The following POU6F2 variants were observed in gnomAD, a reference collection of about 807,000 sequenced individuals.
The protein encoded by POU6F2 is POU domain, class 6, transcription factor 2.
Under a neutral mutation model 71.3 loss-of-function variants are expected in POU6F2, and 31 were observed. The ratio of observed to expected loss-of-function variants is 0.43; its 90% confidence interval spans 0.33 to 0.59. The LOEUF (loss-of-function observed/expected upper bound fraction) is 0.59, where lower values mean the gene tolerates loss of function less well. Among genes scored for constraint, POU6F2 ranks in the 20% least tolerant of loss-of-function variants. The pLI, the probability that POU6F2 is intolerant of heterozygous loss-of-function variation, is 0.04. For synonymous variants in POU6F2, 347 were observed against 355.7 expected (o/e 0.98, Z 0.27); for missense variants, 783 against 856.8 (o/e 0.91, Z 1.07).
At chr7:39,299,061 G>A (rs992817127) in intron 4 of POU6F2, among the ~76,000 whole-genome samples, 6 of 151,974 alleles carry the variant, frequency 3.9e-5, no homozygotes, top group Admixed American at 2.0e-4. Context: ...ATGCATGTGG[G>A]ACTTAAAACC....
At chr7:39,342,021 A>G (rs1316119056) in intron 5 of POU6F2, among the ~76,000 whole-genome samples, 1 of 152,218 alleles carries the variant, frequency 6.6e-6, no homozygotes, top group Non-Finnish European at 1.5e-5. Context: ...ACACTGAGAG[A>G]ATATTCTAAT....
At chr7:39,262,613 A>G (rs1247313996) in intron 4 of POU6F2, among the ~76,000 whole-genome samples, 4 of 152,220 alleles carry the variant, frequency 2.6e-5, no homozygotes, top group Non-Finnish European at 5.9e-5. Flanking sequence ...TATACTGATC[A>G]ATATCACACT....
intron 6 of POU6F2, among the ~76,000 whole-genome samples, chr7:39,409,562 T>C (rs766763804): frequency 6.6e-6 from 1 of 152,188 alleles, no homozygotes; most frequent in Non-Finnish European, 1.5e-5. Flanking sequence ...TTCTTAATGT[T>C]CAAATGGAAC....
At chr7:39,392,293 T>C (rs1787088443) in intron 5 of POU6F2, among the ~76,000 whole-genome samples, 1 of 152,204 alleles carries the variant, frequency 6.6e-6, no homozygotes. Context: ...AAAACCCAGA[T>C]TGCTGCTCCA....
Position 39,464,078 on chromosome 7 carries a change from C to T in POU6F2, c.1659-104C>T. ...TGGCTACCTTGCAGCTGGCTATTAA[C>T]CTGCAGTAAATTCGCCCTGCCAGGC... On this transcript the variant is annotated intron_variant, in intron 9 of 9. Coordinates refer to ENST00000518318, the MANE Select transcript of POU6F2 (RefSeq NM_001370959.1). This position sits in a 1 kb window ranked among gnomAD's most constrained non-coding sequence, Gnocchi z 4.1. 7.0e-7 allele frequency: 1 copy of T among 1,426,020 alleles called. No individual in the cohort carries two copies. The highest frequency in any genetic ancestry group is 2.3e-5 in the East Asian group (1 of 43,688). The allele number at this position is 1,426,020 out of a possible 1,614,324, so 88.3% of individuals were successfully genotyped here.
At chr7:39,115,771 A>G (rs1156952968) in intron 2 of POU6F2, among the ~76,000 whole-genome samples, 1 of 152,126 alleles carries the variant, frequency 6.6e-6, no homozygotes, top group Non-Finnish European at 1.5e-5. Flanking sequence ...AACAGGTAGA[A>G]GAAGTAGAGC....
At chr7:39,308,488 C>T (rs1030336084) in intron 4 of POU6F2, among the ~76,000 whole-genome samples, 11 of 152,216 alleles carry the variant, frequency 7.2e-5, no homozygotes, top group Non-Finnish European at 1.5e-5. Context: ...TGGCCCTACA[C>T]ACTTCCTAAT....
rs1790667209 is a variant in POU6F2 at position 39,062,023 on chromosome 7, TAATA to T, written c.106-23836_106-23833del. On this transcript the variant is annotated intron_variant, in intron 1 of 9. Coordinates refer to ENST00000518318, the MANE Select transcript of POU6F2 (RefSeq NM_001370959.1). ...TGCAATTTAAAAATTTTTTATAAATTAATATTTTCACCATTACATCAAGGACTTT... is the reference window on the plus strand; with the variant it reads ...TGCAATTTAAAAATTTTTTATAAATTTTTTCACCATTACATCAAGGACTTT... Among the ~76,000 whole-genome samples, 4 of 152,206 alleles carry T rather than the reference TAATA, an allele frequency of 2.6e-5. No individual in the cohort carries two copies. In the South Asian group the frequency reaches 8.3e-4, roughly 32 times the overall value.
chr7:39,192,181 G>GTAA (rs1793683267), intron 2 of POU6F2, among the ~76,000 whole-genome samples: 1 of 152,214 alleles, frequency 6.6e-6, no homozygotes, highest in African/African-American at 2.4e-5. Flanking sequence ...TTCATGCAAT[G>GTAA]TAATTCCTCT....
rs549451017 is a variant in POU6F2, at chr7:39,276,301, A to G, written c.599-63341A>G. On this transcript the variant is annotated intron_variant, in intron 4 of 9. Coordinates refer to ENST00000518318, the MANE Select transcript of POU6F2 (RefSeq NM_001370959.1). ...ATGCAGCCAAAAGACACATGAAAAT[A>G]TGCTCACCATCACTGGCCATCAGAG... Among the ~76,000 whole-genome samples the G allele has an allele frequency of 1.2e-3, 183 of 152,376 alleles. 1 individual carries two copies. In the South Asian group the frequency reaches 0.035, roughly 29 times the overall value.
intron 4 of POU6F2, among the ~76,000 whole-genome samples, chr7:39,240,721 A>G (rs745499858): frequency 6.6e-6 from 1 of 152,200 alleles, no homozygotes; most frequent in Non-Finnish European, 1.5e-5. Flanking sequence ...CTATTTTAAT[A>G]ATAGATCTGT....
intron 4 of POU6F2, among the ~76,000 whole-genome samples, chr7:39,312,786 T>C (rs1037211134): frequency 6.6e-6 from 1 of 152,156 alleles, no homozygotes; most frequent in Non-Finnish European, 1.5e-5. Flanking sequence ...GATTGCTGAG[T>C]GACTAACAGG....
At chr7:39,270,824 C>A (rs1330554511) in intron 4 of POU6F2, among the ~76,000 whole-genome samples, 1 of 152,196 alleles carries the variant, frequency 6.6e-6, no homozygotes, top group Non-Finnish European at 1.5e-5. Flanking sequence ...CACCAATATT[C>A]TGGCCCCAAT....
chr7:39,364,569 A>T (rs1786459469), intron 5 of POU6F2, among the ~76,000 whole-genome samples: 1 of 152,144 alleles, frequency 6.6e-6, no homozygotes, highest in African/African-American at 2.4e-5. Flanking sequence ...CTCCAGTTTC[A>T]TCCAGGTCAC....
rs1034258180 is a variant in POU6F2, at chr7:39,290,333, G to A, written c.599-49309G>A. Among the ~76,000 whole-genome samples, 3 of 152,112 alleles carry A rather than the reference G, an allele frequency of 2.0e-5. No homozygotes were observed. The South Asian group carries it at 6.2e-4, about 32-fold the overall frequency. ...CCTCTCCCTTGCACCTTTCGCTTGA[G>A]TAGCTCCCTGGGACAGTGCTAAAAG... On this transcript the variant is annotated intron_variant, in intron 4 of 9. Coordinates refer to ENST00000518318, the MANE Select transcript of POU6F2 (RefSeq NM_001370959.1).
At chr7:39,046,594 AT>A (rs1790296596) in intron 1 of POU6F2, among the ~76,000 whole-genome samples, 1 of 151,920 alleles carries the variant, frequency 6.6e-6, no homozygotes, top group South Asian at 2.1e-4. Context: ...GGATTTTGCA[AT>A]AGCAGCATTC....
At chr7:39,166,549 C>G (rs1793119645) in intron 2 of POU6F2, among the ~76,000 whole-genome samples, 1 of 152,156 alleles carries the variant, frequency 6.6e-6, no homozygotes, top group African/African-American at 2.4e-5. Flanking sequence ...ATCATTTTGA[C>G]AAAGCCCAAG....
At chr7:39,264,118 GC>G (rs1160256876) in intron 4 of POU6F2, among the ~76,000 whole-genome samples, 3 of 152,186 alleles carry the variant, frequency 2.0e-5, no homozygotes, top group African/African-American at 7.2e-5. Flanking sequence ...AGGACCATGG[GC>G]CCTAGAGCTG....
chr7:39,075,776 G>T (rs1453444646), intron 1 of POU6F2, among the ~76,000 whole-genome samples: 1 of 152,216 alleles, frequency 6.6e-6, no homozygotes, highest in Non-Finnish European at 1.5e-5. Context: ...AGCCCTTGGG[G>T]CGTGGTCTCT....
Sources: gnomAD v4.1 joint callset for allele counts (sites outside exome capture counted in the v4.1 genomes callset) on GRCh38, gnomAD v4.1.1 for gene constraint, Gnocchi (gnomAD v3.1) non-coding constraint, MANE v1.5 for transcripts, NCBI Gene and HGNC (gene_info 2026-07-23, HGNC 2026-07-21) for gene names.